LRP11: variants seen among roughly 807,000 people sequenced by gnomAD.
LRP11 encodes LDL receptor related protein 11.
LRP11 carries 25 observed loss-of-function variants against 43.1 expected under a neutral mutation model. The observed-to-expected ratio is 0.58, with a 90% CI of 0.42 to 0.81. The LOEUF is 0.81. LRP11 is among the 30% of genes least tolerant of loss of function. LRP11 has a pLI of 0.00. For synonymous variants in LRP11, 316 were observed against 299.4 expected (o/e 1.06, Z -0.57); for missense variants, 623 against 665.1 (o/e 0.94, Z 0.70).
chr6:149,853,351 G>A (rs1218201761), intron 1 of LRP11, among the ~76,000 whole-genome samples, 191 bp from the exon 2 acceptor site: 1 of 152,136 alleles, frequency 6.6e-6, no homozygotes, highest in Non-Finnish European at 1.5e-5. Context: ...AAGAGGCTGT[G>A]TGGAGTGTTG....
chr6:149,826,564 C>T (rs760795671), intron 5 of LRP11, among the ~76,000 whole-genome samples: 1 of 150,676 alleles, frequency 6.6e-6, no homozygotes, highest in Non-Finnish European at 1.5e-5. Context: ...GCAGCTAATA[C>T]GAAACCACCG....
intron 2 of LRP11, among the ~76,000 whole-genome samples, chr6:149,846,950 AAAT>A (rs1776642145): frequency 6.9e-6 from 1 of 145,062 alleles, no homozygotes; most frequent in South Asian, 2.2e-4. Context: ...AAATAAAATA[AAAT>A]AATAGAATAG....
chr6:149,839,439 G>A (rs367773584), intron 3 of LRP11, among the ~76,000 whole-genome samples: 1 of 152,156 alleles, frequency 6.6e-6, no homozygotes, highest in East Asian at 1.9e-4. Context: ...TGGGGGACAC[G>A]CTGGATATCA....
chr6:149,832,349 G>A (rs1054332393), intron 5 of LRP11, among the ~76,000 whole-genome samples: 10 of 151,598 alleles, frequency 6.6e-5, no homozygotes, highest in Non-Finnish European at 1.5e-4. Flanking sequence ...CTGACACTAC[G>A]CCCAGCTAAT....
At chr6:149,843,508 C>G (rs1438732578) in intron 2 of LRP11, among the ~76,000 whole-genome samples, 2 of 152,166 alleles carry the variant, frequency 1.3e-5, no homozygotes, top group Non-Finnish European at 2.9e-5. Context: ...GGTACCCTAC[C>G]TGTACCCACT....
Position 149,859,377 on chromosome 6 carries a change from C to CATATATATATATATATATATAT in LRP11, c.613+4030_613+4031insATATATATATATATATATATAT, listed in dbSNP as rs201050390. On this transcript the variant is annotated intron_variant, in intron 1 of 6. Transcript: ENST00000239367. Reference sequence around the variant, plus strand: ...TTTATTTTTATTTTTCTTGCTGACTCATATATATATATATATATATTTTTT... The same window carrying CATATATATATATATATATATAT: ...TTTATTTTTATTTTTCTTGCTGACTCATATATATATATATATATATATATATATATATATATATATATTTTTT... Among the ~76,000 whole-genome samples the CATATATATATATATATATATAT allele has an allele frequency of 7.4e-4, 38 of 51,576 alleles. 2 individuals carry two copies. The highest frequency in any genetic ancestry group is 1.6e-3 in the East Asian group (1 of 622). 33.8% of individuals were successfully genotyped at this position (51,576 alleles called of 152,430 possible).
At chr6:149,824,883 T>C (rs1463010012) in intron 6 of LRP11, among the ~76,000 whole-genome samples, 1 of 151,856 alleles carries the variant, frequency 6.6e-6, no homozygotes, top group Non-Finnish European at 1.5e-5. Flanking sequence ...AAAACAAAAA[T>C]ATGTAACAAC....
intron 3 of LRP11, chr6:149,842,494 G>T: frequency 1.4e-6 from 1 of 702,508 alleles, no homozygotes. Context: ...CAGATCACCA[G>T]AACCTGTTCC....
chr6:149,836,101 G>A lies in LRP11; in HGVS notation c.1236C>T (p.Ile412=). ...AATCCTTACCTGGCATCACAGGAAT[G>A]ATTTGACTCTCTGGTCCCCAAAAGG... ...HSAFWGPESQ[I]IPVMPDSSSS... is the part of the protein sequence containing the mutation. Residue 412 remains isoleucine (I), a synonymous_variant, in exon 5 of 7, where the codon ATC becomes ATT. Coordinates refer to ENST00000239367, the MANE Select transcript of LRP11 (RefSeq NM_032832.6). 2 of 1,614,026 alleles carry A rather than the reference G, an allele frequency of 1.2e-6. No homozygotes were observed. Among genetic ancestry groups the A allele is most frequent in the Non-Finnish European group, 1.7e-6 (2 of 1,179,954 alleles).
At chr6:149,857,399 A>G (rs975365891) in intron 1 of LRP11, among the ~76,000 whole-genome samples, 1 of 151,946 alleles carries the variant, frequency 6.6e-6, no homozygotes, top group African/African-American at 2.4e-5. Flanking sequence ...TGTGTGGCAC[A>G]TGCCTATAGT....
chr6:149,843,150 G>A (rs748810207), intron 2 of LRP11, 26 bp from the exon 3 acceptor site: 24 of 1,613,696 alleles, frequency 1.5e-5, no homozygotes, highest in East Asian at 6.7e-5. Flanking sequence ...GACACATCAC[G>A]TCGAGCAGCA....
intron 3 of LRP11, chr6:149,842,752 C>A: frequency 6.9e-7 from 1 of 1,450,144 alleles, no homozygotes; most frequent in Non-Finnish European, 9.5e-7. Flanking sequence ...GCGGGAGCAT[C>A]TCTTCTCATC....
intron 2 of LRP11, among the ~76,000 whole-genome samples, chr6:149,848,530 C>T (rs2115402839): frequency 6.6e-6 from 1 of 152,250 alleles, no homozygotes. Context: ...ACATATACAC[C>T]ATGGAATACT....
chr6:149,853,397 G>A (rs1431302255), intron 1 of LRP11, among the ~76,000 whole-genome samples: 1 of 152,068 alleles, frequency 6.6e-6, no homozygotes. Context: ...CAGCATACGA[G>A]GTCCCACCAA....
At chr6:149,857,518 AAAGT>A (rs1776818427) in intron 1 of LRP11, among the ~76,000 whole-genome samples, 1 of 151,942 alleles carries the variant, frequency 6.6e-6, no homozygotes, top group African/African-American at 2.4e-5. Context: ...AAAAAAAAAA[AAAGT>A]AAAAAGAAAC....
At chr6:149,821,397 G>A (rs1023007530) in intron 6 of LRP11, among the ~76,000 whole-genome samples, 1 of 152,180 alleles carries the variant, frequency 6.6e-6, no homozygotes, top group African/African-American at 2.4e-5. Context: ...ATTCATACAT[G>A]ATCATTCTTC....
At chr6:149,859,396 A>ATATATATATTTTTTTTTTTT in intron 1 of LRP11, among the ~76,000 whole-genome samples, 8 of 71,494 alleles carry the variant, frequency 1.1e-4, no homozygotes, top group South Asian at 5.2e-4. Context: ...ATATATATAT[A>ATATATATATTTTTTTTTTTT]TTTTTTTTTT....
chr6:149,838,157 G>A (rs1283943145), intron 3 of LRP11, among the ~76,000 whole-genome samples: 1 of 151,798 alleles, frequency 6.6e-6, no homozygotes, highest in African/African-American at 2.4e-5. Context: ...GACCTCAACT[G>A]ATCCACCTGC....
chr6:149,842,561 T>TC, intron 3 of LRP11: 1 of 1,312,136 alleles, frequency 7.6e-7, no homozygotes, highest in Non-Finnish European at 1.1e-6. Flanking sequence ...TCCCAGTCCG[T>TC]CCCCCGCACA....
Sources: allele counts gnomAD v4.1 joint callset (sites outside exome capture counted in the v4.1 genomes callset), GRCh38; gene constraint gnomAD v4.1.1; transcripts MANE v1.5; gene names NCBI Gene and HGNC (gene_info 2026-07-23, HGNC 2026-07-21).